PRR16: variants seen among roughly 807,000 people sequenced by gnomAD.
The protein encoded by PRR16 is protein Largen.
Under a neutral mutation model 18.2 loss-of-function variants are expected in PRR16, and 6 were observed. The observed-to-expected ratio is 0.33, with a 90% CI of 0.18 to 0.65. PRR16 has a LOEUF of 0.65. Among genes scored for constraint, PRR16 ranks in the 30% least tolerant of loss-of-function variants. The probability of loss-of-function intolerance (pLI) is 0.74; values close to 1 mark genes in which losing one functional copy is unlikely to be tolerated. For synonymous variants in PRR16, 151 were observed against 147.8 expected, an observed-to-expected ratio of 1.02 and a Z score of -0.16; for missense variants, 412 against 376.6, an observed-to-expected ratio of 1.09 and a Z score of -0.78.
At chr5:120,563,495 A>G (rs1249840257) in intron 1 of PRR16, among the ~76,000 whole-genome samples, 1 of 152,220 alleles carries the variant, frequency 6.6e-6, no homozygotes, top group East Asian at 1.9e-4. Context: ...TTAAAGGCAG[A>G]GGAGCTTCTC....
chr5:120,573,946 G>A (rs1187597070), intron 1 of PRR16, among the ~76,000 whole-genome samples: 1 of 151,422 alleles, frequency 6.6e-6, no homozygotes, highest in Non-Finnish European at 1.5e-5. Flanking sequence ...AGCAAAAATG[G>A]TATAAATTAA....
chr5:120,478,410 A>G (rs144678120), intron 1 of PRR16, among the ~76,000 whole-genome samples: 139 of 152,242 alleles, frequency 9.1e-4, no homozygotes, highest in African/African-American at 3.1e-3. Flanking sequence ...TCTCATTCCC[A>G]TTCAACTCAA....
intron 1 of PRR16, among the ~76,000 whole-genome samples, chr5:120,628,327 T>A (rs923042929): frequency 6.6e-6 from 1 of 152,078 alleles, no homozygotes; most frequent in Non-Finnish European, 1.5e-5. Flanking sequence ...CAGTTGTTTT[T>A]TAGATATAAG....
the PRR16 span, among the ~76,000 whole-genome samples, chr5:120,768,965 A>T: frequency 6.6e-6 from 1 of 151,718 alleles, no homozygotes; most frequent in Non-Finnish European, 1.5e-5. Context: ...AAAGTCTTTG[A>T]CAGTCTTACC....
At chr5:120,786,620 ATATAGAT>A in the PRR16 span, among the ~76,000 whole-genome samples, 2 of 149,802 alleles carry the variant, frequency 1.3e-5, no homozygotes, top group Non-Finnish European at 1.5e-5. Flanking sequence ...AAATATATAA[ATATAGAT>A]TATAAAGAAG....
At chr5:120,523,154 A>G (rs1370029500) in intron 1 of PRR16, among the ~76,000 whole-genome samples, 2 of 152,186 alleles carry the variant, frequency 1.3e-5, no homozygotes, top group Non-Finnish European at 2.9e-5. Context: ...TTGCTATCTT[A>G]TAGAGGTGGA....
At chr5:120,706,635 G>A in the PRR16 span, among the ~76,000 whole-genome samples, 3 of 152,144 alleles carry the variant, frequency 2.0e-5, no homozygotes, top group Middle Eastern at 3.2e-3. Context: ...CATTTACTAA[G>A]CAACCATTTT....
At chr5:120,757,149 G>C in the PRR16 span, among the ~76,000 whole-genome samples, 1 of 151,774 alleles carries the variant, frequency 6.6e-6, no homozygotes. Flanking sequence ...CCTTATTTTT[G>C]GGTTCTTTAT....
chr5:120,752,184 A>T, the PRR16 span, among the ~76,000 whole-genome samples: 10 of 152,056 alleles, frequency 6.6e-5, no homozygotes. Context: ...AAAATTGGTC[A>T]TTTTTTATGA....
chr5:120,546,954 T>A (rs1217437617), intron 1 of PRR16, among the ~76,000 whole-genome samples: 4 of 152,062 alleles, frequency 2.6e-5, no homozygotes, highest in Non-Finnish European at 5.9e-5. Flanking sequence ...TCACTCTTAG[T>A]TACATGCCAA....
At chr5:120,474,006 G>A (rs1749355115) in intron 1 of PRR16, among the ~76,000 whole-genome samples, 2 of 152,168 alleles carry the variant, frequency 1.3e-5, no homozygotes, top group Non-Finnish European at 2.9e-5. Context: ...CCCAAGTAGG[G>A]AATAGCAGCC....
At chr5:120,750,938 A>C in the PRR16 span, among the ~76,000 whole-genome samples, 1 of 151,666 alleles carries the variant, frequency 6.6e-6, no homozygotes, top group African/African-American at 2.4e-5. Context: ...TTTATCCCCT[A>C]CTCCCTACCA....
the PRR16 span, among the ~76,000 whole-genome samples, chr5:120,773,923 A>T: frequency 1.3e-5 from 2 of 151,108 alleles, no homozygotes; most frequent in Non-Finnish European, 2.9e-5. Flanking sequence ...AAGCATCTCT[A>T]TGTGTGGGTA....
At chr5:120,530,267 ATATATATATATATATATTTATT>A (rs1289107516) in intron 1 of PRR16, among the ~76,000 whole-genome samples, 5 of 121,848 alleles carry the variant, frequency 4.1e-5, no homozygotes, top group Admixed American at 1.6e-4. Flanking sequence ...ATATATATAT[ATATATATATATATATATTTATT>A]TATTTATTTA....
At chr5:120,702,072 TAGTGAGGGA>T in the PRR16 span, among the ~76,000 whole-genome samples, 1 of 151,182 alleles carries the variant, frequency 6.6e-6, no homozygotes, top group Admixed American at 6.6e-5. Flanking sequence ...AGATTGCCCA[TAGTGAGGGA>T]AGCAAGCCTA....
the PRR16 span, among the ~76,000 whole-genome samples, chr5:120,730,583 A>G: frequency 1.3e-5 from 2 of 152,170 alleles, no homozygotes; most frequent in Admixed American, 6.5e-5. Flanking sequence ...GGCTCTTCAG[A>G]GACCAAATTG....
At chr5:120,723,930 A>G in the PRR16 span, among the ~76,000 whole-genome samples, 3 of 151,430 alleles carry the variant, frequency 2.0e-5, no homozygotes, top group Admixed American at 6.6e-5. Flanking sequence ...TAATTTTATG[A>G]TTATCAAATA....
At chr5:120,563,135 T>A (rs1055676867) in intron 1 of PRR16, among the ~76,000 whole-genome samples, 1 of 152,190 alleles carries the variant, frequency 6.6e-6, no homozygotes, top group Non-Finnish European at 1.5e-5. Context: ...TTGAGGGATA[T>A]TTTTGCCAGC....
intron 1 of PRR16, among the ~76,000 whole-genome samples, chr5:120,556,948 G>GAA (rs75615628): frequency 7.1e-6 from 1 of 140,396 alleles, no homozygotes; most frequent in Non-Finnish European, 1.6e-5. Context: ...ACTGCTACAT[G>GAA]AAAAAAAAAA....
Sources: gnomAD v4.1 joint callset for allele counts (sites outside exome capture counted in the v4.1 genomes callset) on GRCh38, gnomAD v4.1.1 for gene constraint, MANE v1.5 for transcripts, NCBI Gene and HGNC (gene_info 2026-07-23, HGNC 2026-07-21) for gene names.